Variants in CAPS2 observed in about 807,000 individuals in gnomAD.
CAPS2 encodes calcyphosine 2.
In CAPS2, 98 loss-of-function variants were observed where a neutral mutation model predicts 86.5. The observed-to-expected ratio is 1.13, with a 90% CI of 0.96 to 1.34. CAPS2 has a LOEUF of 1.34. CAPS2 is among the 40% of genes most tolerant of loss of function. The pLI is 0.00. For synonymous variants in CAPS2, 210 were observed against 225.1 expected (o/e 0.93, Z 0.60); for missense variants, 729 against 686.8 (o/e 1.06, Z -0.69).
At chr12:75,330,183 C>T (rs1007611122), upstream of CAPS2, 2 of 256,428 alleles carry the variant, frequency 7.8e-6, no homozygotes, top group Admixed American at 5.5e-5. Context: ...CGCCAATCTG[C>T]CTCCTCAGTT....
At chr12:75,366,769 A>G in intron 1 of CAPS2, 1 of 663,888 alleles carries the variant, frequency 1.5e-6, no homozygotes, top group South Asian at 1.6e-5. Flanking sequence ...CCACGCTCTT[A>G]TGTGTCTCAG....
intron 16 of CAPS2, among the ~76,000 whole-genome samples, chr12:75,280,078 C>CA: frequency 6.6e-6 from 1 of 151,718 alleles, no homozygotes; most frequent in South Asian, 2.1e-4. Context: ...ATATTTACAG[C>CA]AAAAAATGTT....
At chr12:75,335,273 G>A (rs2041648023) in intron 1 of CAPS2, among the ~76,000 whole-genome samples, 1 of 151,914 alleles carries the variant, frequency 6.6e-6, no homozygotes, top group South Asian at 2.1e-4. Flanking sequence ...CAAAGAAATA[G>A]CCCAGGAATG....
At chr12:75,305,968 T>G in intron 7 of CAPS2, 3 of 1,325,590 alleles carry the variant, frequency 2.3e-6, no homozygotes, top group South Asian at 1.2e-5. Context: ...ACAGGGTGGC[T>G]CTGAGCAACA....
At chr12:75,293,084 G>T (rs1408841122) in intron 12 of CAPS2, among the ~76,000 whole-genome samples, 165 bp downstream of exon 12, 1 of 152,036 alleles carries the variant, frequency 6.6e-6, no homozygotes, top group Non-Finnish European at 1.5e-5. Flanking sequence ...AAGTGTATTT[G>T]AGTACAAGAT....
chr12:75,318,143 T>G (rs1565893036), intron 5 of CAPS2: 1 of 152,040 alleles, frequency 6.6e-6, no homozygotes, highest in African/African-American at 2.4e-5. Context: ...CCTTGTAGAG[T>G]CATTCTCGGT....
intron 7 of CAPS2, chr12:75,305,791 C>T: frequency 2.7e-6 from 2 of 732,932 alleles, no homozygotes; most frequent in South Asian, 1.3e-5. Flanking sequence ...AGGATGTCGT[C>T]GGCAGCTACA....
rs777691317 is a variant in CAPS2, at chr12:75,282,263, G to A, written c.1600C>T (p.Gln534Ter). Residue 534 changes from glutamine to a stop codon, truncating the protein, a stop_gained, in exon 16 of 17, where the codon CAA becomes TAA. Transcript: ENST00000393284. LOFTEE classifies it high-confidence loss of function. ...TCCGAATAATTACCTGAAATTACTT[G>A]AGAATGCTTCTTTGCACAGTAACAT... The A allele has an allele frequency of 5.1e-6, 8 of 1,559,808 alleles. No individual in the cohort carries two copies. In the East Asian group the frequency reaches 1.6e-4, roughly 31 times the overall value.
chr12:75,362,640 TTA>T (rs1295907952), intron 1 of CAPS2, among the ~76,000 whole-genome samples: 5 of 152,178 alleles, frequency 3.3e-5, no homozygotes, highest in Admixed American at 6.6e-5. Flanking sequence ...TTTGAAAAAT[TTA>T]TGACTTATAC....
intron 1 of CAPS2, among the ~76,000 whole-genome samples, chr12:75,380,642 AG>A (rs1464046331): frequency 6.6e-6 from 1 of 152,196 alleles, no homozygotes; most frequent in East Asian, 1.9e-4. Flanking sequence ...GAATTCAATG[AG>A]TGAAAATAAG....
intron 1 of CAPS2, chr12:75,343,767 G>A (rs2042268513): frequency 1.2e-6 from 2 of 1,612,794 alleles, no homozygotes; most frequent in East Asian, 4.5e-5. Flanking sequence ...ATGACTGTTT[G>A]GATAAATCAT....
chr12:75,290,063 T>A (rs2035573667), intron 13 of CAPS2, among the ~76,000 whole-genome samples: 1 of 152,170 alleles, frequency 6.6e-6, no homozygotes, highest in South Asian at 2.1e-4. Context: ...ACCAAGAGAA[T>A]AACCTAAATA....
upstream of CAPS2, among the ~76,000 whole-genome samples, chr12:75,331,422 G>A (rs1268495329): frequency 6.6e-6 from 1 of 152,154 alleles, no homozygotes; most frequent in Non-Finnish European, 1.5e-5. Flanking sequence ...TAAAAATAGT[G>A]AAGGAAATGA....
intron 1 of CAPS2, among the ~76,000 whole-genome samples, chr12:75,355,749 T>C (rs2043115259): frequency 6.6e-6 from 1 of 152,096 alleles, no homozygotes; most frequent in Non-Finnish European, 1.5e-5. Context: ...AATGACAGAC[T>C]GGATAAAGAA....
intron 5 of CAPS2, among the ~76,000 whole-genome samples, chr12:75,317,053 C>A (rs987072042): frequency 6.6e-6 from 1 of 152,108 alleles, no homozygotes; most frequent in Non-Finnish European, 1.5e-5. Flanking sequence ...TACTTTAGAT[C>A]TTCCTTGAAA....
At chr12:75,368,817 T>A (rs1039697580) in intron 1 of CAPS2, among the ~76,000 whole-genome samples, 3 of 151,896 alleles carry the variant, frequency 2.0e-5, no homozygotes, top group African/African-American at 7.2e-5. Context: ...AGCTATTTTG[T>A]TCTAGTGTGA....
At chr12:75,363,908 TG>T (rs2043789944) in intron 1 of CAPS2, among the ~76,000 whole-genome samples, 1 of 152,130 alleles carries the variant, frequency 6.6e-6, no homozygotes, top group South Asian at 2.1e-4. Flanking sequence ...GCAAGACAAC[TG>T]GAAGTAGGGC....
chr12:75,340,803 G>A (rs2042052373), intron 1 of CAPS2, among the ~76,000 whole-genome samples: 1 of 150,386 alleles, frequency 6.6e-6, no homozygotes, highest in African/African-American at 2.4e-5. Context: ...GAGATATACA[G>A]ATGGAAAATA....
chr12:75,329,789 C>G, upstream of CAPS2: 1 of 1,504,560 alleles, frequency 6.6e-7, no homozygotes, highest in Non-Finnish European at 9.0e-7. Flanking sequence ...CCTTTCACCC[C>G]ATCACTCCCC....
Sources: allele counts gnomAD v4.1 joint callset (sites outside exome capture counted in the v4.1 genomes callset), GRCh38; gene constraint gnomAD v4.1.1; transcripts MANE v1.5; gene names NCBI Gene and HGNC (gene_info 2026-07-23, HGNC 2026-07-21).